The following PRKCB variants were observed in gnomAD, a reference collection of about 807,000 sequenced individuals.
PRKCB encodes the protein protein kinase C beta type.
Under a neutral mutation model 81.5 loss-of-function variants are expected in PRKCB, and 13 were observed. The ratio of observed to expected loss-of-function variants is 0.16; its 90% CI spans 0.10 to 0.25. The LOEUF (loss-of-function observed/expected upper bound fraction) is 0.25, where lower values mean the gene tolerates loss of function less well. Among genes scored for constraint, PRKCB ranks in the 10% least tolerant of loss-of-function variants. The pLI is 1.00. For synonymous variants in PRKCB, 335 were observed against 321.4 expected (o/e 1.04, Z -0.45); for missense variants, 509 against 875.7 (o/e 0.58, Z 5.29).
chr16:23,904,649 C>T (rs540068786), intron 2 of PRKCB, among the ~76,000 whole-genome samples: 19 of 152,134 alleles, frequency 1.2e-4, no homozygotes, highest in Admixed American at 8.5e-4. Flanking sequence ...GGTGACAGAG[C>T]GAGTCTTCAT....
intron 2 of PRKCB, among the ~76,000 whole-genome samples, chr16:23,981,257 T>C (rs552962949): frequency 6.6e-6 from 1 of 152,168 alleles, no homozygotes; most frequent in South Asian, 2.1e-4. Flanking sequence ...TGGCTTGCGT[T>C]CCCTTCCAGA....
intron 9 of PRKCB, among the ~76,000 whole-genome samples, chr16:24,152,595 C>T (rs889810624): frequency 1.3e-5 from 2 of 152,198 alleles, no homozygotes; most frequent in Non-Finnish European, 2.9e-5. Flanking sequence ...GTCCCGGCCC[C>T]AGCTCTCTCT....
At chr16:24,156,935 A>AGC (rs1967170168) in intron 10 of PRKCB, among the ~76,000 whole-genome samples, 1 of 152,234 alleles carries the variant, frequency 6.6e-6, no homozygotes, top group Non-Finnish European at 1.5e-5. Context: ...ATAGAGGCTG[A>AGC]GCAGCAGCAG....
chr16:23,941,662 CA>C (rs890626715), intron 2 of PRKCB, among the ~76,000 whole-genome samples: 6 of 150,598 alleles, frequency 4.0e-5, no homozygotes, highest in Admixed American at 1.3e-4. Flanking sequence ...ATCATAGATG[CA>C]AAAAAAAGCA....
chr16:24,034,399 G>A (rs74747898), intron 4 of PRKCB, among the ~76,000 whole-genome samples: 8,334 of 152,212 alleles, frequency 0.055, 275 homozygotes, highest in African/African-American at 0.075. Context: ...TGGAACTAGC[G>A]TCCCCCTGGA....
intron 5 of PRKCB, among the ~76,000 whole-genome samples, chr16:24,089,595 C>A (rs528795702): frequency 2.3e-4 from 35 of 151,954 alleles, no homozygotes; most frequent in Non-Finnish European, 4.1e-4. Context: ...ATAGAGAGAC[C>A]CCCACCTCTA....
chr16:24,175,916 G>A (rs953788993), intron 12 of PRKCB, among the ~76,000 whole-genome samples: 2 of 147,822 alleles, frequency 1.4e-5, no homozygotes, highest in African/African-American at 2.5e-5. Flanking sequence ...AGGATGCAAT[G>A]AGCTGTGATC....
chr16:23,933,844 TCATC>T (rs58975374), intron 2 of PRKCB, among the ~76,000 whole-genome samples: 35,508 of 117,816 alleles, frequency 0.3, 5,662 homozygotes, highest in African/African-American at 0.43. Context: ...GATTTTCTAT[TCATC>T]CATCCATCCA....
chr16:23,892,131 T>C (rs1963304720), intron 2 of PRKCB, among the ~76,000 whole-genome samples: 1 of 152,214 alleles, frequency 6.6e-6, no homozygotes, highest in South Asian at 2.1e-4. Context: ...GTCTCAGTGA[T>C]AAAGATGTAC....
In PRKCB at chr16:24,217,094, A is replaced by T. The variant is rs41311262; in HGVS notation, c.*2278A>T. 6.2e-4 allele frequency: 609 copies of T among 984,996 alleles called. No individual in the cohort carries two copies. Among genetic ancestry groups the T allele is most frequent in the Non-Finnish European group, 6.9e-4 (576 of 829,668 alleles). 61.0% of individuals were successfully genotyped at this position (984,996 alleles called of 1,614,324 possible). Reference sequence around the variant, plus strand: ...TGTAGGATGAATGGAAAGAGAAAGAAAGGAAAGAAAGAAGAAAAAGAAAGA... The same window carrying T: ...TGTAGGATGAATGGAAAGAGAAAGATAGGAAAGAAAGAAGAAAAAGAAAGA... On this transcript the variant is annotated 3_prime_UTR_variant, in exon 17 of 17. Transcript: ENST00000643927.
At chr16:23,881,676 T>C (rs933312435) in intron 2 of PRKCB, among the ~76,000 whole-genome samples, 2 of 152,256 alleles carry the variant, frequency 1.3e-5, no homozygotes, top group Non-Finnish European at 2.9e-5. Flanking sequence ...TTTAAAATCA[T>C]GGTAAAAAAC....
At chr16:23,856,528 CT>C (rs11398957) in intron 2 of PRKCB, among the ~76,000 whole-genome samples, 13 of 145,260 alleles carry the variant, frequency 8.9e-5, no homozygotes, top group Admixed American at 2.1e-4. Context: ...TTTCACGAAA[CT>C]TTTTTTTTTT....
chr16:24,213,108 G>A (rs1038680894), intron 16 of PRKCB, among the ~76,000 whole-genome samples: 4 of 151,552 alleles, frequency 2.6e-5, no homozygotes, highest in Non-Finnish European at 4.4e-5. Flanking sequence ...GATCTCAGCC[G>A]ACTGCAACCT....
chr16:24,107,274 A>T (rs1966591003), intron 7 of PRKCB, among the ~76,000 whole-genome samples: 1 of 152,154 alleles, frequency 6.6e-6, no homozygotes, highest in South Asian at 2.1e-4. Context: ...GTTGTATTTC[A>T]TGGGAGTTAC....
intron 3 of PRKCB, among the ~76,000 whole-genome samples, chr16:24,018,360 T>G (rs892735861): frequency 1.3e-5 from 2 of 152,218 alleles, no homozygotes; most frequent in Non-Finnish European, 2.9e-5. Context: ...AGAACATTTC[T>G]TAAATGTTCA....
Position 24,219,865 on chromosome 16 carries a change from C to A in PRKCB, c.*5049C>A. ...CAGCACAGGGCTCTTTCTGACTCTG[C>A]TCATGAGATGGTATCAGCCACCCAA... On this transcript the variant is annotated 3_prime_UTR_variant, in exon 17 of 17. Coordinates refer to ENST00000643927, the MANE Select transcript of PRKCB (RefSeq NM_002738.7). 10 of 1,492,508 alleles carry A rather than the reference C, an allele frequency of 6.7e-6. No homozygotes were observed. The highest frequency in any genetic ancestry group is 8.9e-6 in the Non-Finnish European group (10 of 1,118,148). 92.5% of individuals were successfully genotyped at this position (1,492,508 alleles called of 1,614,324 possible). A position where few individuals can be genotyped will look rare whatever the true frequency, so the allele number is the denominator to read the frequency against.
intron 2 of PRKCB, among the ~76,000 whole-genome samples, chr16:23,855,655 G>T (rs1962552493): frequency 6.6e-6 from 1 of 152,202 alleles, no homozygotes; most frequent in South Asian, 2.1e-4. Flanking sequence ...TGGGGATGTA[G>T]CTCTTGGGAA....
intron 3 of PRKCB, among the ~76,000 whole-genome samples, chr16:24,014,025 G>A (rs567675088): frequency 3.9e-4 from 60 of 152,306 alleles, no homozygotes; most frequent in East Asian, 1.9e-3. Flanking sequence ...CAAACTCACC[G>A]TGTCCTTCTA....
intron 2 of PRKCB, among the ~76,000 whole-genome samples, chr16:23,932,718 G>A (rs1963996610): frequency 6.6e-6 from 1 of 152,262 alleles, no homozygotes; most frequent in Non-Finnish European, 1.5e-5. Flanking sequence ...AGGGATGGGG[G>A]AAGCAGTTGC....
Sources: allele counts gnomAD v4.1 joint callset (sites outside exome capture counted in the v4.1 genomes callset), GRCh38; gene constraint gnomAD v4.1.1; transcripts MANE v1.5; gene names NCBI Gene and HGNC (gene_info 2026-07-23, HGNC 2026-07-21).